Variants in GPR149 observed in about 807,000 individuals in gnomAD.
GPR149 encodes G protein-coupled receptor 149.
In GPR149, 50 loss-of-function variants were observed where a neutral mutation model predicts 50.2. The ratio of observed to expected loss-of-function variants is 1.00; its 90% CI spans 0.79 to 1.26. The LOEUF is 1.26. Ranked by LOEUF, GPR149 falls within the 50% of genes most tolerant of loss-of-function variation. GPR149 has a pLI of 0.00. For missense variants in GPR149, 983 were observed against 895.4 expected (o/e 1.10, Z -1.25); for synonymous variants, 405 against 358.2 (o/e 1.13, Z -1.48).
chr3:154,339,694 T>C (rs1259436482), intron 3 of GPR149, among the ~76,000 whole-genome samples: 2 of 151,608 alleles, frequency 1.3e-5, no homozygotes, highest in African/African-American at 2.4e-5. Context: ...AGGTTCTCAC[T>C]ATTGGAGAAC....
At chr3:154,341,025 T>A (rs1475978796) in intron 3 of GPR149, among the ~76,000 whole-genome samples, 1 of 152,032 alleles carries the variant, frequency 6.6e-6, no homozygotes, top group Non-Finnish European at 1.5e-5. Flanking sequence ...CGGCCAAGAT[T>A]TACAATTTTA....
intron 3 of GPR149, among the ~76,000 whole-genome samples, chr3:154,344,915 T>A (rs1413274527): frequency 6.6e-6 from 1 of 152,238 alleles, no homozygotes; most frequent in East Asian, 1.9e-4. Flanking sequence ...ACTAATTCAA[T>A]TTTGTATGCA....
In GPR149 at chr3:154,429,471, C is replaced by T. The variant is rs1020643227; in HGVS notation, c.145G>A (p.Val49Met). Residue 49 changes from valine (V) to methionine (M), a missense_variant, in exon 1 of 4, where the codon GTG (valine) becomes ATG (methionine). Val to Met is a conservative substitution (Grantham distance 21). Coordinates refer to ENST00000389740, the MANE Select transcript of GPR149 (RefSeq NM_001038705.3). ...LTCLMTFAAL[V>M]GSIYSLISLL... Reference sequence around the variant, plus strand: ...GAAATTAGTGAATAAATGCTGCCCACCAAGGCTGCAAAAGTCATGAGACAT... The same window carrying T: ...GAAATTAGTGAATAAATGCTGCCCATCAAGGCTGCAAAAGTCATGAGACAT... The T allele has an allele frequency of 4.3e-6, 7 of 1,613,992 alleles. No homozygotes were observed. The highest frequency in any genetic ancestry group is 2.2e-5 in the East Asian group (1 of 44,892).
chr3:154,344,532 G>A (rs1713878201), intron 3 of GPR149, among the ~76,000 whole-genome samples: 1 of 152,158 alleles, frequency 6.6e-6, no homozygotes, highest in South Asian at 2.1e-4. Context: ...ACCTTATTTG[G>A]AAATAGGGTT....
chr3:154,429,259 G>A lies in GPR149; in HGVS notation c.357C>T (p.Ser119=). ...AGACTAGGAGAGTCGCCTTCAAGTTGCTAGAGAGGCCCTGGCATAAATACA... is the reference window on the plus strand; with the variant it reads ...AGACTAGGAGAGTCGCCTTCAAGTTACTAGAGAGGCCCTGGCATAAATACA... ...ALMYLCQGLS[S]NLKATLLVSY... The change falls in exon 1 of 4, where the codon AGC becomes AGT. Residue 119 remains serine (S), a synonymous_variant. Transcript: ENST00000389740. 1 of 1,614,190 alleles carries A rather than the reference G, an allele frequency of 6.2e-7. No individual in the cohort carries two copies. Among genetic ancestry groups the A allele is most frequent in the Non-Finnish European group, 8.5e-7 (1 of 1,180,044 alleles).
chr3:154,394,362 A>G (rs914755713), intron 3 of GPR149, among the ~76,000 whole-genome samples: 1 of 152,126 alleles, frequency 6.6e-6, no homozygotes, highest in Admixed American at 6.6e-5. Context: ...GCACATCCAC[A>G]TGCAAAAGAA....
chr3:154,337,696 C>A lies in GPR149; in HGVS notation c.*3G>T. ...TTCTTGCTCCTGTTAGACCAAATACCCACTAACTACCCTTGCTTTCTTCCT... is the reference window on the plus strand; with the variant it reads ...TTCTTGCTCCTGTTAGACCAAATACACACTAACTACCCTTGCTTTCTTCCT... On this transcript the variant is annotated 3_prime_UTR_variant, in exon 4 of 4. Coordinates refer to ENST00000389740, the MANE Select transcript of GPR149 (RefSeq NM_001038705.3). The A allele has an allele frequency of 1.3e-6, 2 of 1,578,712 alleles. No individual in the cohort carries two copies. Among genetic ancestry groups the A allele is most frequent in the Non-Finnish European group, 1.7e-6 (2 of 1,162,576 alleles).
chr3:154,357,318 C>T (rs1714261484), intron 3 of GPR149, among the ~76,000 whole-genome samples: 1 of 151,962 alleles, frequency 6.6e-6, no homozygotes, highest in Admixed American at 6.6e-5. Context: ...CAACAAAAGC[C>T]AAAATTGACA....
intron 3 of GPR149, among the ~76,000 whole-genome samples, chr3:154,410,270 C>T (rs555626094): frequency 3.9e-5 from 6 of 152,046 alleles, no homozygotes; most frequent in Non-Finnish European, 8.8e-5. Flanking sequence ...TACACCAAAA[C>T]AGAACCCCCT....
chr3:154,379,925 A>G (rs530381371), intron 3 of GPR149, among the ~76,000 whole-genome samples: 4 of 152,054 alleles, frequency 2.6e-5, no homozygotes, highest in African/African-American at 7.2e-5. Context: ...AAATTTGGGG[A>G]TATATATGTG....
chr3:154,427,418 C>T (rs1712332711), intron 2 of GPR149, 98 bp downstream of exon 2: 1 of 926,302 alleles, frequency 1.1e-6, no homozygotes, highest in East Asian at 2.4e-5. Context: ...TATCCTTGGA[C>T]TCTCCATCCC....
chr3:154,428,591 G>T, intron 1 of GPR149, 44 bp downstream of exon 1: 1 of 1,580,774 alleles, frequency 6.3e-7, no homozygotes, highest in Non-Finnish European at 8.6e-7. Context: ...CATTTACACT[G>T]TCTGGCACAC....
chr3:154,385,160 C>T (rs1715017437), intron 3 of GPR149, among the ~76,000 whole-genome samples: 2 of 152,114 alleles, frequency 1.3e-5, no homozygotes, highest in African/African-American at 4.8e-5. Flanking sequence ...ATATTTTTAG[C>T]TAGAGATGAC....
rs1456026802 is a variant in GPR149 at position 154,352,464 on chromosome 3, T to C, written c.1624-14193A>G. ...AGGAACATCAAAGCAAACACCCATA[T>C]TTCCTTTCAGGAGGCACACACTGGT... is the stretch of plus-strand genomic sequence containing the variant. On this transcript the variant is annotated intron_variant, in intron 3 of 3. Coordinates refer to ENST00000389740, the MANE Select transcript of GPR149 (RefSeq NM_001038705.3). The C allele has an allele frequency of 1.1e-5, 9 of 801,916 alleles. No individual in the cohort carries two copies. In the African/African-American group the frequency reaches 1.2e-4, roughly 10 times the overall value. 49.7% of individuals were successfully genotyped at this position (801,916 alleles called of 1,614,324 possible).
chr3:154,396,345 T>C (rs1242856357), intron 3 of GPR149, among the ~76,000 whole-genome samples: 1 of 152,198 alleles, frequency 6.6e-6, no homozygotes, highest in Non-Finnish European at 1.5e-5. Flanking sequence ...GTATTCTTGA[T>C]TATAAATATA....
intron 3 of GPR149, among the ~76,000 whole-genome samples, chr3:154,376,875 A>G (rs1471660602): frequency 6.6e-6 from 1 of 152,182 alleles, no homozygotes; most frequent in Non-Finnish European, 1.5e-5. Context: ...TCTGTGCCTC[A>G]GTTGCCTTTA....
chr3:154,427,486 C>A, intron 2 of GPR149, 30 bp downstream of exon 2: 1 of 1,557,982 alleles, frequency 6.4e-7, no homozygotes, highest in Non-Finnish European at 8.7e-7. Flanking sequence ...ATGCATATTG[C>A]TGCCAATCAC....
intron 3 of GPR149, among the ~76,000 whole-genome samples, chr3:154,346,289 G>A (rs1160855776): frequency 2.0e-5 from 3 of 152,160 alleles, no homozygotes; most frequent in African/African-American, 2.4e-5. Flanking sequence ...AAAAACAAAA[G>A]TAGATTTTTA....
At chr3:154,427,390 C>T in intron 2 of GPR149, 126 bp downstream of exon 2, 1 of 685,716 alleles carries the variant, frequency 1.5e-6, no homozygotes. Context: ...TTTCTTCTCA[C>T]TATTTACCAC....
Sources: gnomAD v4.1 joint callset for allele counts (sites outside exome capture counted in the v4.1 genomes callset) on GRCh38, gnomAD v4.1.1 for gene constraint, MANE v1.5 for transcripts, NCBI Gene and HGNC (gene_info 2026-07-23, HGNC 2026-07-21) for gene names.